MYRIP: variants seen among roughly 807,000 people sequenced by gnomAD.
MYRIP encodes the protein rab effector MyRIP.
MYRIP carries 49 observed loss-of-function variants against 98.0 expected under a neutral mutation model. That is an observed-to-expected ratio of 0.50 (90% CI 0.40 to 0.63). The LOEUF (loss-of-function observed/expected upper bound fraction) is 0.63. MYRIP is among the 30% of genes least tolerant of loss of function. MYRIP has a pLI of 0.00. For missense variants in MYRIP, 1,004 were observed against 1,058.2 expected (o/e 0.95, Z 0.71); for synonymous variants, 404 against 409.5 (o/e 0.99, Z 0.16).
chr3:40,178,043 G>A (rs2125610078), intron 8 of MYRIP, among the ~76,000 whole-genome samples: 1 of 152,242 alleles, frequency 6.6e-6, no homozygotes, highest in East Asian at 1.9e-4. Flanking sequence ...ACAAAGCAAA[G>A]CTGTGTCTCA....
intron 11 of MYRIP, among the ~76,000 whole-genome samples, chr3:40,226,314 C>T (rs548602219): frequency 6.6e-5 from 10 of 152,290 alleles, no homozygotes; most frequent in African/African-American, 2.2e-4. Context: ...TCTTCCAGAT[C>T]ACCCAGCTGG....
At chr3:39,826,088 A>C (rs1474255647) in intron 1 of MYRIP, among the ~76,000 whole-genome samples, 1 of 151,294 alleles carries the variant, frequency 6.6e-6, no homozygotes, top group Non-Finnish European at 1.5e-5. Flanking sequence ...AGTCTAGCTA[A>C]TAGTTTGTCA....
chr3:40,039,496 C>G (rs1012217252), intron 2 of MYRIP, among the ~76,000 whole-genome samples: 2 of 151,998 alleles, frequency 1.3e-5, no homozygotes, highest in Non-Finnish European at 2.9e-5. Flanking sequence ...CCCTTTGGAT[C>G]TTGCAACATG....
chr3:40,077,435 C>T (rs1948372153), intron 3 of MYRIP, among the ~76,000 whole-genome samples: 1 of 151,030 alleles, frequency 6.6e-6, no homozygotes, highest in African/African-American at 2.4e-5. Flanking sequence ...TTCTCCACAT[C>T]CCCACCAGAT....
intron 4 of MYRIP, 63 bp downstream of exon 4, chr3:40,151,247 A>G (rs1053652663): frequency 6.6e-6 from 10 of 1,521,754 alleles, no homozygotes; most frequent in Non-Finnish European, 8.9e-6. Flanking sequence ...GGCCTGGCTC[A>G]GGGGCCCTGA....
At position 40,170,082 on chromosome 3, in the gene MYRIP, G is replaced by T. The variant is rs376404162; in HGVS notation, c.862G>T (p.Ala288Ser). 9.9e-6 allele frequency: 16 copies of T among 1,614,010 alleles called. No individual in the cohort carries two copies. The African/African-American group carries it at 1.6e-4, about 16-fold the overall frequency. Reference sequence around the variant, plus strand: ...ATCCCCTGGAGGCTACCGTGCTCCCGCTGCCCTCTGGGTGAGTCCCCAAGC... The same window carrying T: ...ATCCCCTGGAGGCTACCGTGCTCCCTCTGCCCTCTGGGTGAGTCCCCAAGC... ...SASPGGYRAP[A>S]ALWRSQSAFS... Residue 288 changes from alanine to serine, a missense_variant, in exon 8 of 17, where the codon GCT becomes TCT. Transcript: ENST00000302541.
intron 2 of MYRIP, among the ~76,000 whole-genome samples, chr3:40,042,308 A>AG (rs1491117824): frequency 1.5e-5 from 2 of 132,524 alleles, no homozygotes; most frequent in African/African-American, 5.2e-5. Context: ...AAAAAAAAAA[A>AG]AGAGAGCCAA....
At chr3:40,079,601 G>A (rs913388771) in intron 3 of MYRIP, among the ~76,000 whole-genome samples, 1 of 152,310 alleles carries the variant, frequency 6.6e-6, no homozygotes, top group Non-Finnish European at 1.5e-5. Flanking sequence ...AATGAATGTC[G>A]AAGTTCCATG....
chr3:40,048,939 A>G (rs1273807824), intron 3 of MYRIP, among the ~76,000 whole-genome samples: 1 of 152,132 alleles, frequency 6.6e-6, no homozygotes, highest in African/African-American at 2.4e-5. Flanking sequence ...TCTTCTTGAC[A>G]ATTTATTGTA....
At chr3:40,033,441 C>G (rs4420803) in intron 2 of MYRIP, among the ~76,000 whole-genome samples, 138,470 of 152,040 alleles carry the variant, frequency 0.91, 63,893 homozygotes, top group Non-Finnish European at 0.99. Context: ...CAAACAGAGA[C>G]CCAAATCATG....
At chr3:39,854,692 T>A (rs1281866749) in intron 1 of MYRIP, among the ~76,000 whole-genome samples, 3 of 152,192 alleles carry the variant, frequency 2.0e-5, no homozygotes, top group Admixed American at 6.5e-5. Flanking sequence ...GCTGGTGTGA[T>A]CTTTTGGGGT....
At chr3:39,874,768 T>A (rs1011321449) in intron 1 of MYRIP, among the ~76,000 whole-genome samples, 1 of 152,224 alleles carries the variant, frequency 6.6e-6, no homozygotes, top group Non-Finnish European at 1.5e-5. Flanking sequence ...GATTTTTGCA[T>A]CAATGTTCAT....
intron 2 of MYRIP, among the ~76,000 whole-genome samples, chr3:39,916,470 A>AC (rs1223084772): frequency 6.6e-6 from 1 of 151,662 alleles, no homozygotes; most frequent in African/African-American, 2.4e-5. Flanking sequence ...TAAAATAGAT[A>AC]CCCCCCAAAC....
At chr3:39,864,813 T>C (rs1489487762) in intron 1 of MYRIP, among the ~76,000 whole-genome samples, 1 of 152,110 alleles carries the variant, frequency 6.6e-6, no homozygotes, top group African/African-American at 2.4e-5. Flanking sequence ...AAAATTCATA[T>C]GGAACAAACG....
At chr3:40,068,372 T>C (rs1403957656) in intron 3 of MYRIP, among the ~76,000 whole-genome samples, 4 of 152,218 alleles carry the variant, frequency 2.6e-5, no homozygotes, top group African/African-American at 9.7e-5. Context: ...GAGTTAAATA[T>C]TTCCAGGACT....
In MYRIP at chr3:40,039,662, C is replaced by T. The variant is rs150605527; in HGVS notation, c.111-4388C>T. Reference sequence around the variant, plus strand: ...GAATTTTAACTAGAAGAGGTTACGACTATAAGAGAGTGGTAATTAGATGAG... The same window carrying T: ...GAATTTTAACTAGAAGAGGTTACGATTATAAGAGAGTGGTAATTAGATGAG... On this transcript the variant is annotated intron_variant, in intron 2 of 16. Transcript: ENST00000302541. 3.4e-4 allele frequency among the ~76,000 whole-genome samples: 51 copies of T among 151,518 alleles called. No individual in the cohort carries two copies. The East Asian group carries it at 8.5e-3, about 25-fold the overall frequency.
At chr3:40,117,731 C>T (rs1228280871) in intron 3 of MYRIP, among the ~76,000 whole-genome samples, 1 of 152,144 alleles carries the variant, frequency 6.6e-6, no homozygotes. Flanking sequence ...CCAATCTTAG[C>T]TCCATCTGGA....
chr3:39,821,334 A>C (rs1941096843), intron 1 of MYRIP, among the ~76,000 whole-genome samples: 3 of 126,344 alleles, frequency 2.4e-5, no homozygotes, highest in Non-Finnish European at 3.4e-5. Flanking sequence ...CCCCTGTACC[A>C]CCCCGCCCCG....
intron 10 of MYRIP, among the ~76,000 whole-genome samples, chr3:40,202,305 C>T (rs1951589892): frequency 1.3e-5 from 2 of 152,098 alleles, no homozygotes; most frequent in Admixed American, 1.3e-4. Context: ...CTGAAACAAC[C>T]TGGCAGGTGA....
Sources: allele counts gnomAD v4.1 joint callset (sites outside exome capture counted in the v4.1 genomes callset), GRCh38; gene constraint gnomAD v4.1.1; transcripts MANE v1.5; gene names NCBI Gene and HGNC (gene_info 2026-07-23, HGNC 2026-07-21).